Variants in GRK3 observed in about 807,000 individuals in gnomAD.
GRK3 encodes the protein G protein-coupled receptor kinase 3, also known as adrenergic, beta, receptor kinase 2.
GRK3 carries 54 observed loss-of-function variants against 95.7 expected under a neutral mutation model. That is an observed-to-expected ratio of 0.56 (90% CI 0.45 to 0.71). GRK3 has a LOEUF of 0.71. Among genes scored for constraint, GRK3 ranks in the 30% least tolerant of loss-of-function variants. GRK3 has a pLI of 0.00. For missense variants in GRK3, 649 were observed against 851.2 expected, an observed-to-expected ratio of 0.76 and a Z score of 2.96; for synonymous variants, 281 against 290.8, an observed-to-expected ratio of 0.97 and a Z score of 0.34.
intron 2 of GRK3, among the ~76,000 whole-genome samples, chr22:25,609,130 A>G (rs1167707211): frequency 1.3e-5 from 2 of 152,188 alleles, no homozygotes; most frequent in Non-Finnish European, 1.5e-5. Flanking sequence ...CAGGAAAATC[A>G]TTGTATCAGT....
At chr22:25,587,533 A>G (rs1238925241) in intron 1 of GRK3, among the ~76,000 whole-genome samples, 1 of 152,096 alleles carries the variant, frequency 6.6e-6, no homozygotes, top group Non-Finnish European at 1.5e-5. Context: ...GGCTTAAGCA[A>G]TCCTGCCACG....
In GRK3 at chr22:25,724,174, T is replaced by C. The variant is rs1268623902; in HGVS notation, c.*1724T>C. On this transcript the variant is annotated 3_prime_UTR_variant, in exon 21 of 21. Coordinates refer to ENST00000324198, the MANE Select transcript of GRK3 (RefSeq NM_005160.4). ...CACTCCAGAAGCAGAAAAGCCATTG[T>C]TCTTAAAGAGTGAATGTCTTCCCAG... The C allele has an allele frequency of 6.6e-6, 1 of 151,728 alleles. No individual in the cohort carries two copies. The highest frequency in any genetic ancestry group is 2.4e-5 in the African/African-American group (1 of 41,134). 9.4% of individuals were successfully genotyped at this position (151,728 alleles called of 1,614,324 possible). A position where few individuals can be genotyped will look rare whatever the true frequency, so the allele number is the denominator to read the frequency against.
At chr22:25,713,096 A>G (rs911238267) in intron 17 of GRK3, among the ~76,000 whole-genome samples, 1 of 152,250 alleles carries the variant, frequency 6.6e-6, no homozygotes, top group Non-Finnish European at 1.5e-5. Flanking sequence ...CTGAAATTAT[A>G]GGCGGTAGAA....
At chr22:25,606,253 A>G in intron 2 of GRK3, among the ~76,000 whole-genome samples, 1 of 152,348 alleles carries the variant, frequency 6.6e-6, no homozygotes, top group African/African-American at 2.4e-5. Flanking sequence ...GTTCCCTTCA[A>G]TTCGTGACCT....
chr22:25,669,479 T>G (rs777759695), intron 6 of GRK3, among the ~76,000 whole-genome samples: 19 of 152,228 alleles, frequency 1.2e-4, no homozygotes, highest in Non-Finnish European at 2.4e-4. Context: ...ACTCCACCCT[T>G]ACTGCATCCC....
At chr22:25,704,674 G>A (rs1338678156) in intron 15 of GRK3, among the ~76,000 whole-genome samples, 4 of 152,380 alleles carry the variant, frequency 2.6e-5, no homozygotes, top group Middle Eastern at 3.4e-3. Flanking sequence ...GCCTCTCAAA[G>A]TGCTGGGATT....
intron 18 of GRK3, among the ~76,000 whole-genome samples, chr22:25,716,947 G>A (rs2085391064): frequency 6.6e-6 from 1 of 152,152 alleles, no homozygotes; most frequent in East Asian, 1.9e-4. Flanking sequence ...TCTAGGTTAC[G>A]TGCTCCTTAT....
intron 1 of GRK3, among the ~76,000 whole-genome samples, chr22:25,585,168 C>T (rs1932257373): frequency 2.6e-5 from 4 of 152,290 alleles, no homozygotes. Flanking sequence ...TCGGCCAAGC[C>T]TCGTGTTATG....
chr22:25,608,565 A>T (rs1169600241), intron 2 of GRK3, among the ~76,000 whole-genome samples: 1 of 152,228 alleles, frequency 6.6e-6, no homozygotes, highest in African/African-American at 2.4e-5. Context: ...CTCAGGAAAG[A>T]TTCCACACTG....
chr22:25,592,854 AG>A (rs1402904035), intron 1 of GRK3, among the ~76,000 whole-genome samples: 11 of 151,294 alleles, frequency 7.3e-5, no homozygotes, highest in Non-Finnish European at 3.0e-5. Context: ...CACATCAAAA[AG>A]GTTATGTCCA....
chr22:25,704,208 G>A lies in GRK3; in HGVS notation c.1327G>A (p.Gly443Ser), dbSNP rs752270657. ...CAAGCGGCTGGGCTGTCACGGAGGC[G>A]GGTAGGCCATTGTTCCTGCCTTTCG... ...VSKRLGCHGGGSQEVKEHSFF... is the reference protein window; with the variant it reads ...VSKRLGCHGGSSQEVKEHSFF... Residue 443 changes from glycine to serine, a missense_variant and splice_region_variant, in exon 15 of 21, where the codon GGC (glycine) becomes AGC (serine). Transcript: ENST00000324198. 2.3e-5 allele frequency: 37 copies of A among 1,610,148 alleles called. No homozygotes were observed. Among genetic ancestry groups the A allele is most frequent in the Middle Eastern group, 3.4e-4 (2 of 5,952 alleles).
chr22:25,620,030 G>T (rs1054267879), intron 2 of GRK3, among the ~76,000 whole-genome samples: 1 of 149,348 alleles, frequency 6.7e-6, no homozygotes, highest in Non-Finnish European at 1.5e-5. Context: ...GTGTGTGTGT[G>T]TGTGTGTGTG....
intron 12 of GRK3, among the ~76,000 whole-genome samples, chr22:25,693,135 G>A (rs2085178564): frequency 6.6e-6 from 1 of 152,214 alleles, no homozygotes; most frequent in Non-Finnish European, 1.5e-5. Context: ...ACTAATTTGA[G>A]TACTAGCTTA....
chr22:25,624,437 A>G (rs2084611794), intron 2 of GRK3, among the ~76,000 whole-genome samples: 1 of 151,998 alleles, frequency 6.6e-6, no homozygotes, highest in African/African-American at 2.4e-5. Flanking sequence ...GGTGGCGGGC[A>G]CCTGTAGTCC....
At chr22:25,691,713 T>C (rs1175243994) in intron 12 of GRK3, among the ~76,000 whole-genome samples, 1 of 152,200 alleles carries the variant, frequency 6.6e-6, no homozygotes, top group Non-Finnish European at 1.5e-5. Flanking sequence ...AATCCAAGAG[T>C]TCATAAGAAA....
At chr22:25,663,375 T>C (rs1229732447) in intron 4 of GRK3, among the ~76,000 whole-genome samples, 1 of 152,176 alleles carries the variant, frequency 6.6e-6, no homozygotes, top group Admixed American at 6.5e-5. Context: ...TGAACCCTTC[T>C]GGAATTGCAT....
At chr22:25,685,867 G>GTTT (rs146583867) in intron 10 of GRK3, among the ~76,000 whole-genome samples, 4 of 136,768 alleles carry the variant, frequency 2.9e-5, no homozygotes, top group Admixed American at 7.4e-5. Context: ...CACATGCCTA[G>GTTT]TTTTTTTTTT....
chr22:25,664,240 C>T (rs2084927076), intron 5 of GRK3, among the ~76,000 whole-genome samples: 1 of 152,116 alleles, frequency 6.6e-6, no homozygotes. Flanking sequence ...AATCAGATTC[C>T]CAACTAATAG....
intron 1 of GRK3, among the ~76,000 whole-genome samples, chr22:25,576,058 G>A (rs561961080): frequency 3.3e-5 from 5 of 152,156 alleles, no homozygotes; most frequent in Non-Finnish European, 5.9e-5. Context: ...CCAAAAGTGC[G>A]CTAACTCACT....
Sources: allele counts gnomAD v4.1 joint callset (sites outside exome capture counted in the v4.1 genomes callset), GRCh38; gene constraint gnomAD v4.1.1; transcripts MANE v1.5; gene names NCBI Gene and HGNC (gene_info 2026-07-23, HGNC 2026-07-21).